The following CASR variants were observed in gnomAD, a reference collection of about 807,000 sequenced individuals.
CASR encodes calcium sensing receptor.
CASR carries 23 observed loss-of-function variants against 69.1 expected under a neutral mutation model. The observed-to-expected ratio is 0.33, with a 90% CI of 0.24 to 0.47. The LOEUF (loss-of-function observed/expected upper bound fraction) is 0.47. Ranked by LOEUF, CASR falls within the 20% of genes least tolerant of loss-of-function variation. The pLI, the probability that CASR is intolerant of heterozygous loss-of-function variation, is 1.00. For missense variants in CASR, 924 were observed against 1,356.1 expected, an observed-to-expected ratio of 0.68 and a Z score of 5.00; for synonymous variants, 541 against 544.7, an observed-to-expected ratio of 0.99 and a Z score of 0.10.
chr3:122,269,233 A>G (rs1035190072), intron 4 of CASR, among the ~76,000 whole-genome samples: 9 of 152,338 alleles, frequency 5.9e-5, no homozygotes, highest in South Asian at 2.1e-4. Context: ...ATTCAGCCCA[A>G]TTGAACTGGT....
intron 1 of CASR, among the ~76,000 whole-genome samples, chr3:122,217,197 C>A (rs556371820): frequency 1.1e-4 from 16 of 152,166 alleles, no homozygotes; most frequent in Admixed American, 8.5e-4. Context: ...CCTCCATCTC[C>A]CGGGCTCAAG....
intron 1 of CASR, among the ~76,000 whole-genome samples, chr3:122,191,260 T>G (rs1326538466): frequency 6.6e-6 from 1 of 152,218 alleles, no homozygotes; most frequent in African/African-American, 2.4e-5. Context: ...AGGAAAATAT[T>G]GATAGATTTC....
chr3:122,285,126 A>C lies in CASR; in HGVS notation c.3172A>C (p.Ser1058Arg), dbSNP rs2074954886. Residue 1058 changes from serine (S) to arginine (R), a missense_variant, in exon 7 of 7, where the codon AGT (serine) becomes CGT (arginine). By Grantham distance (110) the Ser-to-Arg change is moderately radical (BLOSUM62 -1). Around this residue, in one of 8 missense-constraint regions of CASR, gnomAD observed 201 missense variants for 228.8 expected, o/e 0.88. Coordinates refer to ENST00000639785, the MANE Select transcript of CASR (RefSeq NM_000388.4). The part of the protein sequence containing the change: ...EELSPALVVS[S>R]SQSFVISGGG... ...GTTGTCCCCAGCACTTGTAGTGTCC[A>C]GTTCACAGAGCTTTGTCATCAGTGG... is the stretch of plus-strand genomic sequence containing the variant. 1.2e-6 allele frequency: 2 copies of C among 1,614,094 alleles called. No homozygotes were observed. Among genetic ancestry groups the C allele is most frequent in the African/African-American group, 1.3e-5 (1 of 74,932 alleles).
At chr3:122,270,781 T>A (rs1320035545) in intron 4 of CASR, among the ~76,000 whole-genome samples, 1 of 152,200 alleles carries the variant, frequency 6.6e-6, no homozygotes, top group East Asian at 1.9e-4. Context: ...GTGTGTTATT[T>A]GGTTTCCAAG....
At chr3:122,219,382 T>G (rs1559942225) in intron 1 of CASR, among the ~76,000 whole-genome samples, 1 of 152,098 alleles carries the variant, frequency 6.6e-6, no homozygotes, top group South Asian at 2.1e-4. Flanking sequence ...GTGGCATGAT[T>G]CCGTTGCATA....
At position 122,253,973 on chromosome 3, in the gene CASR, G is replaced by T; in HGVS notation, c.-217G>T. The T allele has an allele frequency of 3.3e-6, 2 of 601,228 alleles. No homozygotes were observed. The highest frequency in any genetic ancestry group is 1.9e-5 in the South Asian group (1 of 52,778). 37.2% of individuals were successfully genotyped at this position (601,228 alleles called of 1,614,324 possible). ...AAGGCATCACAGGAGGCCTCTGCAT[G>T]ATGTGGCTTCCAAAGACTCAAGGAC... On this transcript the variant is annotated 5_prime_UTR_variant, in exon 2 of 7. It removes an upstream start codon present in the reference 5' UTR. Coordinates refer to ENST00000639785, the MANE Select transcript of CASR (RefSeq NM_000388.4).
At chr3:122,184,693 A>G (rs1022109091) in intron 1 of CASR, among the ~76,000 whole-genome samples, 3 of 152,236 alleles carry the variant, frequency 2.0e-5, no homozygotes, top group Non-Finnish European at 4.4e-5. Flanking sequence ...AGTAGGGACC[A>G]GATTACAGGA....
At chr3:122,232,832 C>T (rs2074292523) in intron 1 of CASR, among the ~76,000 whole-genome samples, 2 of 152,104 alleles carry the variant, frequency 1.3e-5, no homozygotes, top group South Asian at 4.1e-4. Flanking sequence ...CCCCTGACAA[C>T]CTGGATCTGG....
rs1290718472 is a variant in CASR, at chr3:122,289,182, A to G, written c.*3991A>G. 6.6e-6 allele frequency: 1 copy of G among 152,250 alleles called. No individual in the cohort carries two copies. Among genetic ancestry groups the G allele is most frequent in the East Asian group, 1.9e-4 (1 of 5,196 alleles). The allele number at this position is 152,250 out of a possible 1,614,324, so 9.4% of individuals were successfully genotyped here. A position where few individuals can be genotyped will look rare whatever the true frequency, so the allele number is the denominator to read the frequency against. On this transcript the variant is annotated 3_prime_UTR_variant, in exon 7 of 7. Coordinates refer to ENST00000639785, the MANE Select transcript of CASR (RefSeq NM_000388.4). ...ATTTGAAATAATTATTGCTACAAGAATAATGGAACATCAATAAGGGGTGCT... is the reference window on the plus strand; with the variant it reads ...ATTTGAAATAATTATTGCTACAAGAGTAATGGAACATCAATAAGGGGTGCT...
intron 4 of CASR, among the ~76,000 whole-genome samples, chr3:122,275,128 GTAGTAAAATGACTGATATCTAAAATGTT>G (rs1360279391): frequency 2.6e-5 from 4 of 152,210 alleles, no homozygotes; most frequent in Middle Eastern, 3.2e-3. Context: ...TGCCTCAATG[GTAGTAAAATGACTGATATCTAAAATGTT>G]TACATGACAA....
chr3:122,262,581 A>G (rs2074641226), intron 4 of CASR, among the ~76,000 whole-genome samples, 169 bp downstream of exon 4: 1 of 152,248 alleles, frequency 6.6e-6, no homozygotes, highest in Non-Finnish European at 1.5e-5. Flanking sequence ...ACTGATTTGA[A>G]CAAAATTGAT....
At chr3:122,259,288 T>C (rs1210403902) in intron 3 of CASR, among the ~76,000 whole-genome samples, 1 of 152,148 alleles carries the variant, frequency 6.6e-6, no homozygotes, top group African/African-American at 2.4e-5. Flanking sequence ...CAAGCAATAA[T>C]GGATGGATTT....
intron 1 of CASR, among the ~76,000 whole-genome samples, chr3:122,252,852 T>C (rs2074512682): frequency 1.3e-5 from 2 of 152,212 alleles, no homozygotes; most frequent in Admixed American, 1.3e-4. Context: ...CAGTGTCCAG[T>C]TGGCAGTCCA....
chr3:122,252,628 G>A (rs752040410), intron 1 of CASR, among the ~76,000 whole-genome samples: 10 of 151,860 alleles, frequency 6.6e-5, no homozygotes, highest in East Asian at 5.8e-4. Context: ...ATTCCAGAGA[G>A]AATTAAGAAG....
At chr3:122,193,471 C>A (rs1396578404) in intron 1 of CASR, among the ~76,000 whole-genome samples, 1 of 152,148 alleles carries the variant, frequency 6.6e-6, no homozygotes, top group Non-Finnish European at 1.5e-5. Flanking sequence ...TCTGTCTTAG[C>A]CTCCCAAAGT....
chr3:122,258,273 C>T (rs1208759190), intron 3 of CASR, among the ~76,000 whole-genome samples: 3 of 151,824 alleles, frequency 2.0e-5, no homozygotes, highest in Non-Finnish European at 4.4e-5. Context: ...ATAAACTATA[C>T]CTTAAATTTA....
chr3:122,226,577 C>T (rs1274738062), intron 1 of CASR, among the ~76,000 whole-genome samples: 1 of 152,148 alleles, frequency 6.6e-6, no homozygotes, highest in East Asian at 1.9e-4. Flanking sequence ...CTGATTAGTC[C>T]ATTTTGACAG....
intron 1 of CASR, among the ~76,000 whole-genome samples, chr3:122,252,409 A>AAAAGAAAAGAAAGAAAGAAAGAAAGAAAG (rs1553765629): frequency 3.1e-4 from 2 of 6,474 alleles, no homozygotes; most frequent in African/African-American, 1.2e-3. Context: ...GAAGGAAGGA[A>AAAAGAAAAGAAAGAAAGAAAGAAAGAAAG]AAAGAAAGAA....
intron 1 of CASR, among the ~76,000 whole-genome samples, chr3:122,221,128 G>A (rs4303826): frequency 0.72 from 109,197 of 152,124 alleles, 39,481 homozygotes; most frequent in Admixed American, 0.82. Context: ...TGATATGTCT[G>A]ATAGTACTAA....
Sources: gnomAD v4.1 joint callset for allele counts (sites outside exome capture counted in the v4.1 genomes callset) on GRCh38, gnomAD v4.1.1 for gene constraint, gnomAD v4.1.1 regional missense constraint, MANE v1.5 for transcripts, NCBI Gene and HGNC (gene_info 2026-07-23, HGNC 2026-07-21) for gene names.